Variants in ZMIZ1 observed in about 807,000 individuals in gnomAD.
The protein encoded by ZMIZ1 is zinc finger MIZ-type containing 1.
A neutral mutation model predicts 113.9 loss-of-function variants in ZMIZ1; 17 were observed. The ratio of observed to expected loss-of-function variants is 0.15; its 90% CI spans 0.10 to 0.22. The LOEUF (loss-of-function observed/expected upper bound fraction) is 0.22, where lower values mean the gene tolerates loss of function less well. ZMIZ1 is among the 10% of genes least tolerant of loss of function. The probability of loss-of-function intolerance (pLI) is 1.00; values close to 1 mark genes in which losing one functional copy is unlikely to be tolerated. For synonymous variants in ZMIZ1, 607 were observed against 603.1 expected (o/e 1.01, Z -0.09); for missense variants, 1,059 against 1,477.8 (o/e 0.72, Z 4.65).
intron 4 of ZMIZ1, among the ~76,000 whole-genome samples, chr10:79,166,004 G>GTGTCTGTT: frequency 8.8e-5 from 1 of 11,332 alleles, no homozygotes; most frequent in African/African-American, 4.8e-4. Context: ...GTGTGTGTGG[G>GTGTCTGTT]CTCTCCCTGC....
chr10:79,225,675 G>A (rs912775870), intron 7 of ZMIZ1, among the ~76,000 whole-genome samples: 1 of 152,194 alleles, frequency 6.6e-6, no homozygotes, highest in Non-Finnish European at 1.5e-5. Flanking sequence ...AGAAACAACA[G>A]CATCCCAATG....
chr10:79,256,684 C>G (rs1850924097), intron 7 of ZMIZ1, among the ~76,000 whole-genome samples: 1 of 152,210 alleles, frequency 6.6e-6, no homozygotes, highest in South Asian at 2.1e-4. Flanking sequence ...CAGCTGTTTC[C>G]ACAGGGGGCA....
chr10:79,076,965 TC>T (rs1842495895), intron 1 of ZMIZ1, among the ~76,000 whole-genome samples: 1 of 152,168 alleles, frequency 6.6e-6, no homozygotes, highest in Non-Finnish European at 1.5e-5. Context: ...CAGCCAGCCC[TC>T]CAGGAGCTGA....
chr10:79,210,526 C>T (rs1195637787), intron 6 of ZMIZ1, among the ~76,000 whole-genome samples: 1 of 152,198 alleles, frequency 6.6e-6, no homozygotes, highest in African/African-American at 2.4e-5. Flanking sequence ...GGAAATGTCT[C>T]CTGAGGAGTT....
At chr10:79,311,294 TGGG>T in intron 24 of ZMIZ1, 110 bp downstream of exon 24, 1 of 99,150 alleles carries the variant, frequency 1.0e-5, no homozygotes, top group East Asian at 1.9e-4. Flanking sequence ...AGGAGGTGGG[TGGG>T]CGGTGGGAGG....
intron 7 of ZMIZ1, among the ~76,000 whole-genome samples, chr10:79,249,595 C>T (rs183615534): frequency 1.2e-4 from 18 of 152,330 alleles, no homozygotes; most frequent in Non-Finnish European, 1.5e-5. Context: ...AGCAGCCACA[C>T]ATGTATTTAA....
chr10:79,166,094 T>G (rs1321566864), intron 4 of ZMIZ1, among the ~76,000 whole-genome samples: 2 of 151,908 alleles, frequency 1.3e-5, no homozygotes, highest in Non-Finnish European at 2.9e-5. Context: ...TCCCTGCAGC[T>G]CTCTCCTGCC....
chr10:79,135,676 G>A lies in ZMIZ1; in HGVS notation c.-226-4006G>A, dbSNP rs116817311. 6.8e-4 allele frequency among the ~76,000 whole-genome samples: 103 copies of A among 152,332 alleles called. 1 individual carries two copies. The Middle Eastern group carries it at 0.014, about 20-fold the overall frequency. On this transcript the variant is annotated intron_variant, in intron 2 of 24. Transcript: ENST00000334512. ...CAGAGAGCTAAGGGTCAGGGTCAGC[G>A]TGGCCCATTGGCCCATTGGAGATCC...
chr10:79,082,373 C>T (rs553699646), intron 1 of ZMIZ1, among the ~76,000 whole-genome samples: 15 of 152,324 alleles, frequency 9.8e-5, no homozygotes, highest in African/African-American at 3.6e-4. Flanking sequence ...CACCTGAGAC[C>T]CCACGCCCAG....
rs117040666 is a variant in ZMIZ1, at chr10:79,177,518, C to T, written c.-50+15385C>T. ...CGAGGTGAGAAGGGCCGGGGGAGAT[C>T]AGCAGAGCACAGAGAGGCATAGGAC... is the stretch of plus-strand genomic sequence containing the variant. On this transcript the variant is annotated intron_variant, in intron 4 of 24. Transcript: ENST00000334512. Among the ~76,000 whole-genome samples the T allele has an allele frequency of 3.2e-3, 485 of 152,308 alleles. 3 individuals are homozygous for T. Among genetic ancestry groups the T allele is most frequent in the Non-Finnish European group, 3.9e-3 (266 of 68,038 alleles).
Position 79,305,964 on chromosome 10 carries a change from G to T in ZMIZ1, c.2424-136G>T, listed in dbSNP as rs777032050. On this transcript the variant is annotated intron_variant, in intron 21 of 24. Transcript: ENST00000334512. The stretch of plus-strand genomic sequence containing the variant: ...ATAGAGAAATCCCTGCCAGGCTTCC[G>T]CCTCGTCCACAGTGTGGTGAGAGTG... 3 of 1,364,632 alleles carry T rather than the reference G, an allele frequency of 2.2e-6. No individual in the cohort carries two copies. In the African/African-American group the frequency reaches 4.4e-5, roughly 20 times the overall value. 84.5% of individuals were successfully genotyped at this position (1,364,632 alleles called of 1,614,324 possible).
In ZMIZ1 at chr10:79,143,025, C is replaced by T. The variant is rs568072484; in HGVS notation, c.-131+3248C>T. On this transcript the variant is annotated intron_variant, in intron 3 of 24. Coordinates refer to ENST00000334512, the MANE Select transcript of ZMIZ1 (RefSeq NM_020338.4). ...CCTTTGGTGGGCAATCATATACGTGCGTGTCAGTGTTGTGTCACTTCATTC... is the reference window on the plus strand; with the variant it reads ...CCTTTGGTGGGCAATCATATACGTGTGTGTCAGTGTTGTGTCACTTCATTC... Among the ~76,000 whole-genome samples the T allele has an allele frequency of 6.6e-5, 10 of 152,316 alleles. No individual in the cohort carries two copies. In the South Asian group the frequency reaches 1.2e-3, roughly 19 times the overall value.
At chr10:79,271,407 A>C (rs998779432) in intron 7 of ZMIZ1, among the ~76,000 whole-genome samples, 5 of 152,182 alleles carry the variant, frequency 3.3e-5, no homozygotes, top group African/African-American at 9.7e-5. Context: ...GGAGATGAGG[A>C]AACTGGGGTG....
chr10:79,281,687 G>A (rs1236687099), intron 8 of ZMIZ1, among the ~76,000 whole-genome samples: 1 of 152,232 alleles, frequency 6.6e-6, no homozygotes, highest in Non-Finnish European at 1.5e-5. Flanking sequence ...GAGTACTGGT[G>A]GCTAACCAGT....
In ZMIZ1 at chr10:79,216,261, C is replaced by A. The variant is rs766010363; in HGVS notation, c.267C>A (p.Thr89=). The stretch of plus-strand genomic sequence containing the variant: ...GTGCTGCAAACCGAGACAAGTTCAC[C>A]CCGAAGTCTGCCGGTAGGTGTCCGT... ...AVCAANRDKF[T]PKSAALLSSW... is the part of the protein sequence containing the mutation. Residue 89 remains threonine, a synonymous_variant, in exon 7 of 25, where the codon ACC becomes ACA. Coordinates refer to ENST00000334512, the MANE Select transcript of ZMIZ1 (RefSeq NM_020338.4). The A allele has an allele frequency of 6.3e-7, 1 of 1,591,660 alleles. No individual in the cohort carries two copies. Among genetic ancestry groups the A allele is most frequent in the South Asian group, 1.1e-5 (1 of 88,092 alleles).
In ZMIZ1 at chr10:79,216,079, GCCCA is replaced by G. The variant is rs1266677564; in HGVS notation, c.175-87_175-84del. ...TAATGATGGGGCACTGCCTTAGCTT[GCCCA>G]CCTCACCCACTTCACCTGCAAAATG... On this transcript the variant is annotated intron_variant, in intron 6 of 24. Transcript: ENST00000334512. The G allele has an allele frequency of 2.5e-4, 215 of 860,688 alleles. No homozygotes were observed. In the African/African-American group the frequency reaches 3.6e-3, roughly 15 times the overall value. 53.3% of individuals were successfully genotyped at this position (860,688 alleles called of 1,614,324 possible).
At chr10:79,293,728 CT>C in intron 12 of ZMIZ1, 75 bp downstream of exon 12, 1 of 1,605,886 alleles carries the variant, frequency 6.2e-7, no homozygotes, top group Admixed American at 1.7e-5. Context: ...GTGGGTACGG[CT>C]TTGGAAGGGG....
intron 4 of ZMIZ1, among the ~76,000 whole-genome samples, chr10:79,198,008 CCAG>C (rs1645667258): frequency 2.6e-5 from 4 of 152,112 alleles, no homozygotes; most frequent in Admixed American, 2.0e-4. Flanking sequence ...GCCTGTAATC[CCAG>C]CACTTTTGGA....
intron 3 of ZMIZ1, among the ~76,000 whole-genome samples, chr10:79,150,308 G>A (rs1454443934): frequency 2.6e-5 from 4 of 152,328 alleles, no homozygotes; most frequent in African/African-American, 7.2e-5. Context: ...GAGAGCTGCT[G>A]CCAGGAATCC....
Sources: gnomAD v4.1 joint callset for allele counts (sites outside exome capture counted in the v4.1 genomes callset) on GRCh38, gnomAD v4.1.1 for gene constraint, MANE v1.5 for transcripts, NCBI Gene and HGNC (gene_info 2026-07-23, HGNC 2026-07-21) for gene names.